Variants in CHST12 observed in about 807,000 individuals in gnomAD.
CHST12 encodes the protein carbohydrate (chondroitin 4) sulfotransferase 12.
CHST12 carries 23 observed loss-of-function variants against 27.9 expected under a neutral mutation model. That is an observed-to-expected ratio of 0.82 (90% CI 0.59 to 1.17). The LOEUF (loss-of-function observed/expected upper bound fraction) is 1.17. Among genes scored for constraint, CHST12 ranks in the 50% most tolerant of loss-of-function variants. The pLI, the probability that CHST12 is intolerant of heterozygous loss-of-function variation, is 0.00. For synonymous variants in CHST12, 322 were observed against 273.0 expected (o/e 1.18, Z -1.77); for missense variants, 682 against 603.0 (o/e 1.13, Z -1.37).
At chr7:2,409,637 AAAAG>A (rs1341712940) in intron 1 of CHST12, among the ~76,000 whole-genome samples, 7 of 152,216 alleles carry the variant, frequency 4.6e-5, no homozygotes, top group East Asian at 3.9e-4. Context: ...AAAAAAAAAA[AAAAG>A]AATCATGGAG....
intron 1 of CHST12, among the ~76,000 whole-genome samples, chr7:2,411,006 GT>G (rs1248128316): frequency 6.6e-6 from 1 of 152,074 alleles, no homozygotes; most frequent in African/African-American, 2.4e-5. Context: ...AGGGTGGGGT[GT>G]AGGTAGGGCA....
In CHST12 at chr7:2,436,971, G is replaced by A. The variant is rs951574526; in HGVS notation, c.*3087G>A. 3.3e-5 allele frequency: 5 copies of A among 152,312 alleles called. No homozygotes were observed. Among genetic ancestry groups the A allele is most frequent in the African/African-American group, 1.2e-4 (5 of 41,470 alleles). 9.4% of individuals were successfully genotyped at this position (152,312 alleles called of 1,614,324 possible). A position where few individuals can be genotyped will look rare whatever the true frequency, so the allele number is the denominator to read the frequency against. ...GGCCGAGGGGAGGCGTCTCCGGGAA[G>A]AGAGGGAGGTGTGAGCGGGGAGAAC... On this transcript the variant is annotated 3_prime_UTR_variant, in exon 2 of 2. Transcript: ENST00000618655.
At position 2,433,530 on chromosome 7, in the gene CHST12, G is replaced by T; in HGVS notation, c.891G>T (p.Lys297Asn). 1 of 1,613,030 alleles carries T rather than the reference G, an allele frequency of 6.2e-7. No homozygotes were observed. The highest frequency in any genetic ancestry group is 8.5e-7 in the Non-Finnish European group (1 of 1,179,950). The change falls in exon 2 of 2, where the codon AAG (lysine) becomes AAT (asparagine). Residue 297 changes from lysine (K) to asparagine (N), a missense_variant. Coordinates refer to ENST00000618655, the MANE Select transcript of CHST12 (RefSeq NM_018641.5). This position sits in a 1 kb window ranked among gnomAD's most constrained non-coding sequence, Gnocchi z 6.1. ...GCGAGGCCTTCCGCGCTGGCCTCAA[G>T]GTGTCCTTCGCCAACTTCATCCAGT... ...SAREAFRAGL[K>N]VSFANFIQYL... is the part of the protein sequence containing the mutation.
Position 2,433,482 on chromosome 7 carries a change from C to T in CHST12, c.843C>T (p.His281=). 6.2e-7 allele frequency: 1 copy of T among 1,611,510 alleles called. No individual in the cohort carries two copies. The highest frequency in any genetic ancestry group is 1.3e-5 in the African/African-American group (1 of 75,064). Residue 281 remains histidine (H), a synonymous_variant, in exon 2 of 2, where the codon CAC becomes CAT. Coordinates refer to ENST00000618655, the MANE Select transcript of CHST12 (RefSeq NM_018641.5). The surrounding 1 kb of genome is among the most constrained non-coding windows in gnomAD (Gnocchi z 6.1). ...AVPMLRLYAN[H]TSLPASAREA... The stretch of plus-strand genomic sequence containing the variant: ...CCATGCTGCGGCTGTACGCCAACCA[C>T]ACCAGCCTGCCCGCCTCGGCGCGCG...
At chr7:2,417,173 A>G (rs1283037289) in intron 1 of CHST12, among the ~76,000 whole-genome samples, 2 of 151,998 alleles carry the variant, frequency 1.3e-5, no homozygotes, top group African/African-American at 4.8e-5. Flanking sequence ...GACGAAGACC[A>G]ATGTCCCAGC....
rs1230628185 is a variant in CHST12 at position 2,435,938 on chromosome 7, C to G, written c.*2054C>G. On this transcript the variant is annotated 3_prime_UTR_variant, in exon 2 of 2. Transcript: ENST00000618655. The stretch of plus-strand genomic sequence containing the variant: ...CAAGTGATCTTCCCATCTCAGACTC[C>G]CAAGTAGCTGGGGTTACAGGTGAGC... 6.6e-6 allele frequency: 1 copy of G among 152,258 alleles called. No individual in the cohort carries two copies. Among genetic ancestry groups the G allele is most frequent in the African/African-American group, 2.4e-5 (1 of 41,406 alleles). 9.4% of individuals were successfully genotyped at this position (152,258 alleles called of 1,614,324 possible).
intron 1 of CHST12, among the ~76,000 whole-genome samples, chr7:2,426,202 A>C (rs1782113567): frequency 6.6e-6 from 1 of 152,174 alleles, no homozygotes; most frequent in Non-Finnish European, 1.5e-5. Flanking sequence ...CAAGGCAGGA[A>C]GGTGGCCCAG....
rs1782790869 is a variant in CHST12, at chr7:2,447,758, C to A, written c.*13874C>A. ...AAAGTGCTGGGATTACAAGCATGAG[C>A]CACTGCGCCCGGCCACAAACACTTT... On this transcript the variant is annotated 3_prime_UTR_variant, in exon 2 of 2. Transcript: ENST00000618655. The A allele has an allele frequency of 6.6e-6, 1 of 152,082 alleles. No homozygotes were observed. Among genetic ancestry groups the A allele is most frequent in the Admixed American group, 6.6e-5 (1 of 15,264 alleles). 9.4% of individuals were successfully genotyped at this position (152,082 alleles called of 1,614,324 possible).
intron 1 of CHST12, among the ~76,000 whole-genome samples, chr7:2,431,109 T>C (rs1782259213): frequency 6.6e-6 from 1 of 152,240 alleles, no homozygotes; most frequent in African/African-American, 2.4e-5. Context: ...CAGCCATAAT[T>C]GTGGATTTGT....
In CHST12 at chr7:2,436,231, T is replaced by C. The variant is rs1782470538; in HGVS notation, c.*2347T>C. The C allele has an allele frequency of 6.6e-6, 1 of 152,256 alleles. No homozygotes were observed. Among genetic ancestry groups the C allele is most frequent in the South Asian group, 2.1e-4 (1 of 4,838 alleles). The allele number at this position is 152,256 out of a possible 1,614,324, so 9.4% of individuals were successfully genotyped here. Reference sequence around the variant, plus strand: ...TCGTATTGTCGTGCCACCACCACCATCATCTCCAGAGCTTTCTCATCTTCC... The same window carrying C: ...TCGTATTGTCGTGCCACCACCACCACCATCTCCAGAGCTTTCTCATCTTCC... On this transcript the variant is annotated 3_prime_UTR_variant, in exon 2 of 2. Coordinates refer to ENST00000618655, the MANE Select transcript of CHST12 (RefSeq NM_018641.5).
rs551042403 is a variant in CHST12 at position 2,446,803 on chromosome 7, C to T, written c.*12919C>T. 6.9e-4 allele frequency: 105 copies of T among 152,622 alleles called. 1 individual carries two copies. The highest frequency in any genetic ancestry group is 2.3e-3 in the African/African-American group (94 of 41,584). 9.5% of individuals were successfully genotyped at this position (152,622 alleles called of 1,614,324 possible). On this transcript the variant is annotated 3_prime_UTR_variant, in exon 2 of 2. Transcript: ENST00000618655. ...GTGCTGCAGCCCCGGGCCTCACATC[C>T]TGCCGTCCCTGTGGGAGATTGGAGC...
At position 2,444,020 on chromosome 7, in the gene CHST12, C is replaced by T. The variant is rs1782683935; in HGVS notation, c.*10136C>T. 2 of 151,820 alleles carry T rather than the reference C, an allele frequency of 1.3e-5. No homozygotes were observed. The highest frequency in any genetic ancestry group is 2.9e-5 in the Non-Finnish European group (2 of 67,996). 9.4% of individuals were successfully genotyped at this position (151,820 alleles called of 1,614,324 possible). ...AAAAATTAGGCCGGGCGCGGTGGCT[C>T]ACGCCTGTAATCCCAGCACTTTGGG... On this transcript the variant is annotated 3_prime_UTR_variant, in exon 2 of 2. Transcript: ENST00000618655.
chr7:2,435,084 T>G lies in CHST12; in HGVS notation c.*1200T>G, dbSNP rs879740072. ...TAAGAAAATCAGCCGGACATGATGG[T>G]GCACACCTGTAATCCCAGCTACTCG... On this transcript the variant is annotated 3_prime_UTR_variant, in exon 2 of 2. Coordinates refer to ENST00000618655, the MANE Select transcript of CHST12 (RefSeq NM_018641.5). 1 of 151,970 alleles carries G rather than the reference T, an allele frequency of 6.6e-6. No homozygotes were observed. Among genetic ancestry groups the G allele is most frequent in the South Asian group, 2.1e-4 (1 of 4,810 alleles). The allele number at this position is 151,970 out of a possible 1,614,324, so 9.4% of individuals were successfully genotyped here. A position where few individuals can be genotyped will look rare whatever the true frequency, so the allele number is the denominator to read the frequency against.
rs1353872459 is a variant in CHST12 at position 2,436,307 on chromosome 7, C to G, written c.*2423C>G. 1 of 152,208 alleles carries G rather than the reference C, an allele frequency of 6.6e-6. No homozygotes were observed. Among genetic ancestry groups the G allele is most frequent in the Non-Finnish European group, 1.5e-5 (1 of 68,044 alleles). The allele number at this position is 152,208 out of a possible 1,614,324, so 9.4% of individuals were successfully genotyped here. A position where few individuals can be genotyped will look rare whatever the true frequency, so the allele number is the denominator to read the frequency against. ...GCACTCGCTCCCCATTGGTAGAAGG[C>G]AGCAGCTTCCACTCTCTGATTTCTA... is the stretch of plus-strand genomic sequence containing the variant. On this transcript the variant is annotated 3_prime_UTR_variant, in exon 2 of 2. Transcript: ENST00000618655.
rs1782533983 is a variant in CHST12 at position 2,438,779 on chromosome 7, GC to G, written c.*4896del. 6.6e-6 allele frequency: 1 copy of G among 152,234 alleles called. No individual in the cohort carries two copies. Among genetic ancestry groups the G allele is most frequent in the Non-Finnish European group, 1.5e-5 (1 of 68,070 alleles). 9.4% of individuals were successfully genotyped at this position (152,234 alleles called of 1,614,324 possible). ...CCGCCCTCTCCCTTACCCTAGGAGGGCTGAGTCAGGCCTCCCTACCCAGGCC... is the reference window on the plus strand; with the variant it reads ...CCGCCCTCTCCCTTACCCTAGGAGGGTGAGTCAGGCCTCCCTACCCAGGCC... On this transcript the variant is annotated 3_prime_UTR_variant, in exon 2 of 2. Coordinates refer to ENST00000618655, the MANE Select transcript of CHST12 (RefSeq NM_018641.5).
intron 1 of CHST12, among the ~76,000 whole-genome samples, chr7:2,426,047 G>A (rs1782110283): frequency 6.6e-6 from 1 of 152,102 alleles, no homozygotes; most frequent in Admixed American, 6.6e-5. Flanking sequence ...CTCTTTGGGG[G>A]ACCTGCATAG....
intron 1 of CHST12, among the ~76,000 whole-genome samples, chr7:2,422,405 C>T (rs552645422): frequency 4.0e-5 from 6 of 151,676 alleles, no homozygotes; most frequent in East Asian, 1.9e-4. Flanking sequence ...CCACCATGCC[C>T]GGCTTATTTT....
intron 1 of CHST12, among the ~76,000 whole-genome samples, chr7:2,414,668 T>G (rs985036785): frequency 1.1e-4 from 17 of 152,208 alleles, no homozygotes; most frequent in African/African-American, 4.1e-4. Context: ...TCTCTCATAT[T>G]TGTGCTTTTG....
rs530474047 is a variant in CHST12, at chr7:2,445,378, C to G, written c.*11494C>G. ...TTTCTCCTCCAGCCGACCCCGCCCC[C>G]CAGGGCATTCGAGAAAAGGGTGCTT... On this transcript the variant is annotated 3_prime_UTR_variant, in exon 2 of 2. Transcript: ENST00000618655. 23 of 152,394 alleles carry G rather than the reference C, an allele frequency of 1.5e-4. No individual in the cohort carries two copies. Among genetic ancestry groups the G allele is most frequent in the African/African-American group, 5.5e-4 (23 of 41,580 alleles). The allele number at this position is 152,394 out of a possible 1,614,324, so 9.4% of individuals were successfully genotyped here.
Sources: allele counts gnomAD v4.1 joint callset (sites outside exome capture counted in the v4.1 genomes callset), GRCh38; gene constraint gnomAD v4.1.1; non-coding constraint Gnocchi (gnomAD v3.1); transcripts MANE v1.5; gene names NCBI Gene and HGNC (gene_info 2026-07-23, HGNC 2026-07-21).